MSRA: variants seen among roughly 807,000 people sequenced by gnomAD.
The protein encoded by MSRA is mitochondrial peptide methionine sulfoxide reductase.
A neutral mutation model predicts 31.3 loss-of-function variants in MSRA; 54 were observed. The observed-to-expected ratio is 1.73, with a 90% CI of 1.39 to 2.17. The LOEUF (loss-of-function observed/expected upper bound fraction) is 2.17. Among genes scored for constraint, MSRA ranks in the 30% most tolerant of loss-of-function variants. The probability of loss-of-function intolerance (pLI) is 0.00; values close to 1 mark genes in which losing one functional copy is unlikely to be tolerated. For synonymous variants in MSRA, 169 were observed against 116.5 expected, an observed-to-expected ratio of 1.45 and a Z score of -2.90; for missense variants, 507 against 300.9, an observed-to-expected ratio of 1.69 and a Z score of -5.07.
intron 3 of MSRA, among the ~76,000 whole-genome samples, chr8:10,245,998 G>A (rs1184471957): frequency 6.6e-6 from 1 of 152,182 alleles, no homozygotes; most frequent in East Asian, 1.9e-4. Context: ...CTATAATGCA[G>A]GGATCAGCAA....
intron 1 of MSRA, among the ~76,000 whole-genome samples, chr8:10,115,749 C>T (rs1158924370): frequency 2.6e-5 from 4 of 152,114 alleles, no homozygotes; most frequent in Non-Finnish European, 5.9e-5. Context: ...ATACACTGGT[C>T]CCGCAGGGCA....
chr8:10,136,432 C>T (rs1161805100), intron 1 of MSRA, among the ~76,000 whole-genome samples: 1 of 152,218 alleles, frequency 6.6e-6, no homozygotes, highest in Non-Finnish European at 1.5e-5. Flanking sequence ...GCCACCATTC[C>T]TCTCTCGTAC....
intron 2 of MSRA, among the ~76,000 whole-genome samples, chr8:10,216,203 T>C (rs1483439831): frequency 6.6e-6 from 1 of 152,182 alleles, no homozygotes; most frequent in East Asian, 1.9e-4. Flanking sequence ...AATTAAAATA[T>C]ATGCAAGACA....
intron 1 of MSRA, among the ~76,000 whole-genome samples, chr8:10,184,603 G>C (rs1431332771): frequency 1.3e-5 from 2 of 151,970 alleles, no homozygotes; most frequent in Non-Finnish European, 2.9e-5. Context: ...AAGGATGAAG[G>C]CATATTAAAA....
chr8:10,166,020 A>G (rs569370993), intron 1 of MSRA, among the ~76,000 whole-genome samples: 48 of 152,272 alleles, frequency 3.2e-4, no homozygotes, highest in African/African-American at 1.1e-3. Context: ...TGTCCAGTGC[A>G]CAAGGTACCC....
chr8:10,061,643 G>A (rs892591909), intron 1 of MSRA, among the ~76,000 whole-genome samples: 1 of 151,916 alleles, frequency 6.6e-6, no homozygotes, highest in African/African-American at 2.4e-5. Context: ...TTTTATGAAC[G>A]TTGGGAAGAA....
intron 1 of MSRA, among the ~76,000 whole-genome samples, chr8:10,132,285 G>C (rs910821991): frequency 3.3e-5 from 5 of 152,158 alleles, no homozygotes; most frequent in Non-Finnish European, 7.3e-5. Flanking sequence ...TTAGATTCTT[G>C]CTCCACTGCA....
intron 2 of MSRA, among the ~76,000 whole-genome samples, chr8:10,218,222 C>G (rs568924948): frequency 6.6e-6 from 1 of 151,990 alleles, no homozygotes; most frequent in Admixed American, 6.6e-5. Flanking sequence ...TCTTGGCTCA[C>G]TGCAACCTCT....
At chr8:10,189,242 A>G (rs1422567466) in intron 1 of MSRA, among the ~76,000 whole-genome samples, 4 of 152,234 alleles carry the variant, frequency 2.6e-5, no homozygotes, top group East Asian at 1.9e-4. Context: ...ACTTTTTAGT[A>G]CAAATAGCTT....
chr8:10,144,963 G>C (rs77821165), intron 1 of MSRA, among the ~76,000 whole-genome samples: 3,122 of 151,422 alleles, frequency 0.021, 106 homozygotes, highest in African/African-American at 0.071. Flanking sequence ...GCTCGTTTTG[G>C]GGGAGGGGGC....
chr8:10,410,371 G>A (rs950897278), intron 5 of MSRA, among the ~76,000 whole-genome samples: 1 of 152,184 alleles, frequency 6.6e-6, no homozygotes, highest in African/African-American at 2.4e-5. Context: ...GGATGCAAGT[G>A]GCCAGGCCCT....
chr8:10,100,554 CT>C (rs1171268915), intron 1 of MSRA, among the ~76,000 whole-genome samples: 4 of 151,958 alleles, frequency 2.6e-5, no homozygotes, highest in Admixed American at 2.0e-4. Flanking sequence ...CAGAAGTGTT[CT>C]AGAGAACATG....
intron 5 of MSRA, among the ~76,000 whole-genome samples, chr8:10,324,002 G>C (rs948619344): frequency 1.3e-5 from 2 of 152,112 alleles, no homozygotes; most frequent in Non-Finnish European, 2.9e-5. Flanking sequence ...GATTCCACTG[G>C]GAGATGAGTT....
At chr8:10,271,438 G>A (rs1236972907) in intron 3 of MSRA, among the ~76,000 whole-genome samples, 2 of 31,192 alleles carry the variant, frequency 6.4e-5, no homozygotes, top group African/African-American at 1.8e-4. Flanking sequence ...ACTAAGGGAT[G>A]GAAATTGACT....
chr8:10,428,133 TC>T lies in MSRA; in HGVS notation c.544-14del, dbSNP rs765578310. On this transcript the variant is annotated splice_polypyrimidine_tract_variant and intron_variant, in intron 5 of 5. Coordinates refer to ENST00000317173, the MANE Select transcript of MSRA (RefSeq NM_012331.5). ...CTAGCATGGGAGCTGATGGCGCCTT[TC>T]TGTGTCCCCACAGGTTCTTTCAGAG... 6.2e-7 allele frequency: 1 copy of T among 1,606,400 alleles called. No homozygotes were observed. Among genetic ancestry groups the T allele is most frequent in the South Asian group, 1.1e-5 (1 of 89,700 alleles).
intron 1 of MSRA, among the ~76,000 whole-genome samples, chr8:10,073,342 C>T (rs1025066150): frequency 6.6e-6 from 1 of 152,094 alleles, no homozygotes; most frequent in Non-Finnish European, 1.5e-5. Flanking sequence ...TCTTCTACCA[C>T]CTGTTTAAAT....
rs1036602082 is a variant in MSRA at position 10,059,752 on chromosome 8, C to T, written c.142+5094C>T. Among the ~76,000 whole-genome samples, 159 of 152,114 alleles carry T rather than the reference C, an allele frequency of 1.0e-3. 2 individuals carry two copies. Among genetic ancestry groups the T allele is most frequent in the Non-Finnish European group, 4.3e-4 (29 of 68,014 alleles). On this transcript the variant is annotated intron_variant, in intron 1 of 5. Coordinates refer to ENST00000317173, the MANE Select transcript of MSRA (RefSeq NM_012331.5). ...GCAATTCATATCATAGGTGAAGGAC[C>T]AATCTTTTTAATTATATAAGAAGCT...
At chr8:10,413,690 T>A (rs561803075) in intron 5 of MSRA, among the ~76,000 whole-genome samples, 3 of 139,984 alleles carry the variant, frequency 2.1e-5, no homozygotes, top group South Asian at 2.3e-4. Flanking sequence ...TAAGTAGAAA[T>A]TCAAAGATAC....
chr8:10,171,873 A>G (rs17151242), intron 1 of MSRA, among the ~76,000 whole-genome samples: 6,012 of 152,296 alleles, frequency 0.039, 405 homozygotes, highest in African/African-American at 0.14. Context: ...TTGCCCAAGC[A>G]TTTCTTGTGT....
Sources: allele counts gnomAD v4.1 joint callset (sites outside exome capture counted in the v4.1 genomes callset), GRCh38; gene constraint gnomAD v4.1.1; transcripts MANE v1.5; gene names NCBI Gene and HGNC (gene_info 2026-07-23, HGNC 2026-07-21).